GINS1: variants seen among roughly 807,000 people sequenced by gnomAD.
GINS1 encodes GINS complex subunit 1, also known as DNA replication complex GINS protein PSF1.
A neutral mutation model predicts 34.9 loss-of-function variants in GINS1; 26 were observed. The observed-to-expected ratio is 0.74, with a 90% CI of 0.55 to 1.03. The LOEUF (loss-of-function observed/expected upper bound fraction) is 1.03. Among genes scored for constraint, GINS1 ranks in the 50% least tolerant of loss-of-function variants. GINS1 has a pLI of 0.00. For missense variants in GINS1, 235 were observed against 237.9 expected (o/e 0.99, Z 0.08); for synonymous variants, 97 against 84.4 (o/e 1.15, Z -0.82).
intron 2 of GINS1, among the ~76,000 whole-genome samples, chr20:25,415,722 G>A (rs960989877): frequency 1.3e-5 from 2 of 151,288 alleles, no homozygotes; most frequent in African/African-American, 2.4e-5. Context: ...TGTCCCTGGC[G>A]CTCACTGTCT....
At chr20:25,438,590 G>A (rs1331153389) in intron 5 of GINS1, among the ~76,000 whole-genome samples, 4 of 142,662 alleles carry the variant, frequency 2.8e-5, no homozygotes, top group Admixed American at 7.5e-5. Flanking sequence ...GTACAATCTC[G>A]GCTCATTTGT....
Position 25,413,822 on chromosome 20 carries a change from G to A in GINS1, c.108G>A (p.Met36Ile). The A allele has an allele frequency of 6.3e-7, 1 of 1,585,848 alleles. No individual in the cohort carries two copies. Among genetic ancestry groups the A allele is most frequent in the Non-Finnish European group, 8.7e-7 (1 of 1,154,182 alleles). ...EDGLRQVLEE[M>I]KALYEQNQSD... Reference sequence around the variant, plus strand: ...GACTCAGACAAGTTCTGGAGGAGATGAAAGCTTTGTATGAACAAAACCAGT... The same window carrying A: ...GACTCAGACAAGTTCTGGAGGAGATAAAAGCTTTGTATGAACAAAACCAGT... Residue 36 changes from methionine (M) to isoleucine (I), a missense_variant, in exon 2 of 7, where the codon ATG becomes ATA. By Grantham distance (10) the Met-to-Ile change is conservative. Coordinates refer to ENST00000262460, the MANE Select transcript of GINS1 (RefSeq NM_021067.5).
chr20:25,441,634 G>T, intron 5 of GINS1, 68 bp from the exon 6 acceptor site: 1 of 757,026 alleles, frequency 1.3e-6, no homozygotes, highest in South Asian at 1.6e-5. Context: ...GTATAATGCT[G>T]ATTTATTTTT....
At chr20:25,442,350 G>A (rs898433156) in intron 6 of GINS1, among the ~76,000 whole-genome samples, 3 of 151,048 alleles carry the variant, frequency 2.0e-5, no homozygotes, top group Admixed American at 6.6e-5. Context: ...CTGTCTGTCT[G>A]TCTGTCTGTC....
At chr20:25,443,782 T>C (rs2090495665) in intron 6 of GINS1, among the ~76,000 whole-genome samples, 1 of 151,330 alleles carries the variant, frequency 6.6e-6, no homozygotes, top group Admixed American at 6.6e-5. Context: ...GCACCTGGCC[T>C]GGTGGTTGAA....
At position 25,447,779 on chromosome 20, in the gene GINS1, AC is replaced by A. The variant is rs1433903916; in HGVS notation, c.*1790del. The A allele has an allele frequency of 6.6e-6, 1 of 152,214 alleles. No homozygotes were observed. Among genetic ancestry groups the A allele is most frequent in the Non-Finnish European group, 1.5e-5 (1 of 68,074 alleles). The allele number at this position is 152,214 out of a possible 1,614,324, so 9.4% of individuals were successfully genotyped here. A position where few individuals can be genotyped will look rare whatever the true frequency, so the allele number is the denominator to read the frequency against. On this transcript the variant is annotated 3_prime_UTR_variant, in exon 7 of 7. Transcript: ENST00000262460. ...GTGAGCCTTGGTGCTGGCCCAGTGT[AC>A]CACATTTCTTTTTGAGATTTGTTTT...
chr20:25,408,314 C>A (rs976762677), intron 1 of GINS1, among the ~76,000 whole-genome samples: 1 of 152,022 alleles, frequency 6.6e-6, no homozygotes, highest in African/African-American at 2.4e-5. Context: ...TTTTCTCATA[C>A]GCAAAAATGG....
At chr20:25,410,272 C>T (rs546321568) in intron 1 of GINS1, among the ~76,000 whole-genome samples, 158 of 151,316 alleles carry the variant, frequency 1.0e-3, no homozygotes, top group Admixed American at 4.5e-3. Flanking sequence ...ATCTGGGAGG[C>T]GGAGGTTGCA....
chr20:25,422,129 G>A (rs776750604), intron 4 of GINS1, among the ~76,000 whole-genome samples: 2 of 152,106 alleles, frequency 1.3e-5, no homozygotes, highest in Admixed American at 6.6e-5. Flanking sequence ...AGAAAACGAA[G>A]ATGTACAGCC....
In GINS1 at chr20:25,408,239, C is replaced by G. The variant is rs563095626; in HGVS notation, c.75+344C>G. 9.2e-5 allele frequency among the ~76,000 whole-genome samples: 14 copies of G among 152,318 alleles called. No homozygotes were observed. The South Asian group carries it at 2.5e-3, about 27-fold the overall frequency. ...TCAGTAAAAGCTAGGCCTCTGGAAC[C>G]TGGCTGAGATTCTGGTTCTGTAGTG... On this transcript the variant is annotated intron_variant, in intron 1 of 6. Coordinates refer to ENST00000262460, the MANE Select transcript of GINS1 (RefSeq NM_021067.5).
intron 5 of GINS1, among the ~76,000 whole-genome samples, chr20:25,441,196 C>T (rs893515275): frequency 9.2e-5 from 14 of 152,290 alleles, no homozygotes; most frequent in Admixed American, 7.2e-4. Flanking sequence ...AATCCTGTCA[C>T]GTGAGGTGGC....
At chr20:25,443,689 C>T (rs1226399421) in intron 6 of GINS1, among the ~76,000 whole-genome samples, 2 of 151,408 alleles carry the variant, frequency 1.3e-5, no homozygotes, top group Non-Finnish European at 2.9e-5. Flanking sequence ...ACCATGTTGG[C>T]CAGGCTGGTT....
At chr20:25,420,016 A>G (rs903724138) in intron 4 of GINS1, among the ~76,000 whole-genome samples, 1 of 152,156 alleles carries the variant, frequency 6.6e-6, no homozygotes, top group Admixed American at 6.5e-5. Flanking sequence ...ATTCAAGCAC[A>G]TCAATTAGAT....
intron 1 of GINS1, among the ~76,000 whole-genome samples, chr20:25,409,450 A>G (rs115918765): frequency 8.3e-4 from 127 of 152,272 alleles, no homozygotes; most frequent in African/African-American, 2.9e-3. Flanking sequence ...ACTTGTAGCT[A>G]TTAGAGCAGG....
At chr20:25,432,065 GT>G (rs925119426) in intron 5 of GINS1, among the ~76,000 whole-genome samples, 7 of 150,390 alleles carry the variant, frequency 4.7e-5, no homozygotes, top group African/African-American at 1.7e-4. Context: ...TAGAGACGGG[GT>G]TTCACCATGT....
At position 25,417,145 on chromosome 20, in the gene GINS1, C is replaced by T. The variant is rs1476539858; in HGVS notation, c.182C>T (p.Thr61Ile). Residue 61 changes from threonine (T) to isoleucine (I), a missense_variant, in exon 3 of 7, where the codon ACT (threonine) becomes ATT (isoleucine). By Grantham distance (89) the Thr-to-Ile change is moderately conservative (BLOSUM62 -1). Coordinates refer to ENST00000262460, the MANE Select transcript of GINS1 (RefSeq NM_021067.5). ...KSGGRSDLIP[T>I]IKFRHCSLLR... ...GGTGGACGAAGTGATTTGATACCAACTATCAAATTTCGACACTGTTCTCTG... is the reference window on the plus strand; with the variant it reads ...GGTGGACGAAGTGATTTGATACCAATTATCAAATTTCGACACTGTTCTCTG... 3 of 1,592,680 alleles carry T rather than the reference C, an allele frequency of 1.9e-6. No homozygotes were observed. The highest frequency in any genetic ancestry group is 1.1e-5 in the South Asian group (1 of 90,386).
chr20:25,417,877 G>C (rs1034528088), intron 3 of GINS1, among the ~76,000 whole-genome samples: 1 of 152,162 alleles, frequency 6.6e-6, no homozygotes, highest in East Asian at 1.9e-4. Flanking sequence ...GCGGGGGAAA[G>C]AAAGAAATAA....
At chr20:25,420,800 A>T (rs1479856625) in intron 4 of GINS1, 1 of 921,556 alleles carries the variant, frequency 1.1e-6, no homozygotes, top group Non-Finnish European at 1.3e-6. Flanking sequence ...AAAAAAAGAA[A>T]AAAAGAAAAA....
chr20:25,414,299 T>C (rs2090306816), intron 2 of GINS1, among the ~76,000 whole-genome samples: 1 of 151,948 alleles, frequency 6.6e-6, no homozygotes. Context: ...GCTGTACAAA[T>C]TAGCAAAAGT....
Sources: allele counts gnomAD v4.1 joint callset (sites outside exome capture counted in the v4.1 genomes callset), GRCh38; gene constraint gnomAD v4.1.1; transcripts MANE v1.5; gene names NCBI Gene and HGNC (gene_info 2026-07-23, HGNC 2026-07-21).